Variants in PDGFRA observed in about 807,000 individuals in gnomAD.
The protein encoded by PDGFRA is platelet-derived growth factor receptor alpha.
In PDGFRA, 25 loss-of-function variants were observed where a neutral mutation model predicts 121.5. The observed-to-expected ratio is 0.21, with a 90% CI of 0.15 to 0.29. The LOEUF (loss-of-function observed/expected upper bound fraction) is 0.29, where lower values mean the gene tolerates loss of function less well. Among genes scored for constraint, PDGFRA ranks in the 10% least tolerant of loss-of-function variants. The pLI is 1.00. For synonymous variants in PDGFRA, 463 were observed against 494.8 expected (o/e 0.94, Z 0.85); for missense variants, 1,008 against 1,345.1 (o/e 0.75, Z 3.92).
chr4:54,246,736 T>A (rs1239314817), intron 1 of PDGFRA, among the ~76,000 whole-genome samples: 1 of 150,500 alleles, frequency 6.6e-6, no homozygotes, highest in Non-Finnish European at 1.5e-5. Context: ...CTGAAGGAAA[T>A]AGAGACACAA....
At chr4:54,234,001 C>T (rs1013223015) in intron 1 of PDGFRA, among the ~76,000 whole-genome samples, 1 of 152,206 alleles carries the variant, frequency 6.6e-6, no homozygotes, top group Non-Finnish European at 1.5e-5. Flanking sequence ...CAGGCGGTCC[C>T]CCTGCCCCGA....
intron 3 of PDGFRA, 64 bp downstream of exon 3, chr4:54,261,476 A>G: frequency 9.1e-7 from 1 of 1,096,236 alleles, no homozygotes; most frequent in East Asian, 2.4e-5. Context: ...TAAATGTACT[A>G]AGGTTTTAAA....
At chr4:54,260,973 A>G (rs1722668766) in intron 2 of PDGFRA, 122 bp from the exon 3 acceptor site, 1 of 852,770 alleles carries the variant, frequency 1.2e-6, no homozygotes, top group Non-Finnish European at 1.9e-6. Context: ...CATCCAGGCT[A>G]ACGGATTTTT....
intron 22 of PDGFRA, among the ~76,000 whole-genome samples, chr4:54,292,202 T>G (rs1292378672): frequency 6.6e-6 from 1 of 152,064 alleles, no homozygotes; most frequent in African/African-American, 2.4e-5. Flanking sequence ...CATTCTATTA[T>G]AAAGGCACAT....
chr4:54,281,836 A>G (rs935816320), intron 16 of PDGFRA: 1 of 1,234,882 alleles, frequency 8.1e-7, no homozygotes, highest in Non-Finnish European at 1.0e-6. Flanking sequence ...CAAGTTACAA[A>G]CAAAGAAACT....
chr4:54,258,298 T>G (rs1387178196), intron 1 of PDGFRA, among the ~76,000 whole-genome samples: 1 of 152,120 alleles, frequency 6.6e-6, no homozygotes, highest in Non-Finnish European at 1.5e-5. Flanking sequence ...TGACACACAT[T>G]GTTGGAAGTT....
chr4:54,237,127 C>G (rs1041125564), intron 1 of PDGFRA, among the ~76,000 whole-genome samples: 1 of 152,100 alleles, frequency 6.6e-6, no homozygotes, highest in African/African-American at 2.4e-5. Context: ...TGCCGCCATG[C>G]CTGGCTAATT....
intron 1 of PDGFRA, among the ~76,000 whole-genome samples, chr4:54,243,344 T>C (rs888243448): frequency 6.6e-6 from 1 of 152,216 alleles, no homozygotes; most frequent in South Asian, 2.1e-4. Context: ...TTGAGATTAC[T>C]GGAGAAAGTT....
chr4:54,229,974 G>C (rs1041817728), intron 1 of PDGFRA: 4 of 152,256 alleles, frequency 2.6e-5, no homozygotes, highest in Admixed American at 2.6e-4. Flanking sequence ...GAGCGTGGAG[G>C]GGGGCGCGCG....
chr4:54,290,358 G>T lies in PDGFRA; in HGVS notation c.2926G>T (p.Ala976Ser). 2 of 1,612,166 alleles carry T rather than the reference G, an allele frequency of 1.2e-6. No homozygotes were observed. The highest frequency in any genetic ancestry group is 1.7e-6 in the Non-Finnish European group (2 of 1,178,156). Residue 976 changes from alanine to serine, a missense_variant, in exon 22 of 23, where the codon GCT becomes TCT. This residue lies in a region of PDGFRA where 204 missense variants were observed against 243.0 expected (regional missense o/e 0.84). Coordinates refer to ENST00000257290, the MANE Select transcript of PDGFRA (RefSeq NM_006206.6). ...HLDFLKSDHP[A>S]VARMRVDSDN... is the part of the protein sequence containing the mutation. ...GGACTTCCTGAAGAGTGACCATCCT[G>T]CTGTGGCACGCATGCGTGTGGACTC...
chr4:54,254,221 G>T (rs1722224284), intron 1 of PDGFRA, among the ~76,000 whole-genome samples: 1 of 152,186 alleles, frequency 6.6e-6, no homozygotes, highest in South Asian at 2.1e-4. Flanking sequence ...TCCCTGTGGG[G>T]CAAGCACTGC....
At chr4:54,291,957 C>A (rs942419000) in intron 22 of PDGFRA, among the ~76,000 whole-genome samples, 3 of 151,502 alleles carry the variant, frequency 2.0e-5, no homozygotes, top group African/African-American at 4.8e-5. Context: ...TAAAAAAGAA[C>A]AAGATCTGAG....
chr4:54,247,030 T>A (rs948734215), intron 1 of PDGFRA, among the ~76,000 whole-genome samples: 29 of 152,056 alleles, frequency 1.9e-4, no homozygotes, highest in Non-Finnish European at 2.8e-4. Context: ...AAGAAGTTGA[T>A]TCTCTGAATA....
At chr4:54,239,086 A>G (rs1721160370) in intron 1 of PDGFRA, among the ~76,000 whole-genome samples, 1 of 152,218 alleles carries the variant, frequency 6.6e-6, no homozygotes, top group African/African-American at 2.4e-5. Flanking sequence ...GGTCATCCCT[A>G]CTGCTTATTA....
chr4:54,264,805 G>C, intron 4 of PDGFRA, 114 bp from the exon 5 acceptor site: 1 of 978,552 alleles, frequency 1.0e-6, no homozygotes. Flanking sequence ...TGATCAAACT[G>C]GTTTGCAAAT....
chr4:54,231,090 G>T (rs1366008044), intron 1 of PDGFRA, among the ~76,000 whole-genome samples: 1 of 152,190 alleles, frequency 6.6e-6, no homozygotes, highest in East Asian at 1.9e-4. Flanking sequence ...CAGGCTGTGC[G>T]TTGTGCATCC....
intron 1 of PDGFRA, among the ~76,000 whole-genome samples, chr4:54,247,123 C>T (rs1419644468): frequency 2.0e-5 from 3 of 152,254 alleles, no homozygotes; most frequent in South Asian, 4.1e-4. Flanking sequence ...GATTCACAGC[C>T]GAATTCTACC....
At chr4:54,247,327 A>T (rs1011347838) in intron 1 of PDGFRA, among the ~76,000 whole-genome samples, 2 of 152,336 alleles carry the variant, frequency 1.3e-5, no homozygotes, top group African/African-American at 4.8e-5. Flanking sequence ...TCAATAAAAT[A>T]CTGGCAAACA....
chr4:54,262,018 A>G (rs1450424208), intron 3 of PDGFRA, among the ~76,000 whole-genome samples: 2 of 147,466 alleles, frequency 1.4e-5, no homozygotes, highest in Non-Finnish European at 3.0e-5. Context: ...TGCAATCTCA[A>G]CTCCCTTGGT....
Sources: allele counts gnomAD v4.1 joint callset (sites outside exome capture counted in the v4.1 genomes callset), GRCh38; gene constraint gnomAD v4.1.1; regional missense constraint gnomAD v4.1.1; transcripts MANE v1.5; gene names NCBI Gene and HGNC (gene_info 2026-07-23, HGNC 2026-07-21).